Variants in PCDHA9 observed in about 807,000 individuals in gnomAD.
PCDHA9 encodes protocadherin alpha 9.
A neutral mutation model predicts 62.0 loss-of-function variants in PCDHA9; 62 were observed. The observed-to-expected ratio is 1.00, with a 90% confidence interval of 0.81 to 1.23. The LOEUF (loss-of-function observed/expected upper bound fraction) is 1.23, where lower values mean the gene tolerates loss of function less well. Ranked by LOEUF, PCDHA9 falls within the 50% of genes most tolerant of loss-of-function variation. PCDHA9 has a pLI of 0.00. For synonymous variants in PCDHA9, 557 were observed against 567.6 expected (o/e 0.98, Z 0.27); for missense variants, 1,205 against 1,249.8 (o/e 0.96, Z 0.54).
intron 1 of PCDHA9, among the ~76,000 whole-genome samples, chr5:140,917,329 G>GGC (rs1563018868): frequency 6.9e-6 from 1 of 143,930 alleles, no homozygotes; most frequent in Non-Finnish European, 1.5e-5. Context: ...TGTGGCGGGG[G>GGC]AGGGGGGGGA....
Position 140,882,813 on chromosome 5 carries a change from C to A in PCDHA9, c.2394+31924C>A, listed in dbSNP as rs782169035. 2 of 1,614,058 alleles carry A rather than the reference C, an allele frequency of 1.2e-6. No individual in the cohort carries two copies. The highest frequency in any genetic ancestry group is 3.3e-5 in the Admixed American group (2 of 60,002). On this transcript the variant is annotated intron_variant, in intron 1 of 3. Transcript: ENST00000532602. ...CCCAACGATTATTTCACTTTGGACG[C>A]ACAAAACAGTCTTGAGCAAATGTCT...
rs537367595 is a variant in PCDHA9, at chr5:140,855,783, A to G, written c.2394+4894A>G. The G allele has an allele frequency of 2.9e-4, 123 of 423,664 alleles. 6 individuals carry two copies. Among genetic ancestry groups the G allele is most frequent in the Non-Finnish European group, 4.5e-4 (106 of 237,548 alleles). 26.2% of individuals were successfully genotyped at this position (423,664 alleles called of 1,614,324 possible). On this transcript the variant is annotated intron_variant, in intron 1 of 3. Coordinates refer to ENST00000532602, the MANE Select transcript of PCDHA9 (RefSeq NM_031857.2). ...TCCATAGACATAAAAATACGTAAAA[A>G]AAGAATTAACATATGAATGAAAGAA...
chr5:140,976,546 A>G (rs2096722070), intron 1 of PCDHA9, among the ~76,000 whole-genome samples: 1 of 152,086 alleles, frequency 6.6e-6, no homozygotes, highest in Non-Finnish European at 1.5e-5. Context: ...GTAAGACCCT[A>G]TCTCATAAAT....
intron 1 of PCDHA9, among the ~76,000 whole-genome samples, chr5:140,945,375 C>T (rs1414758644): frequency 1.3e-4 from 20 of 152,006 alleles, no homozygotes; most frequent in African/African-American, 3.9e-4. Context: ...GTCCATATTA[C>T]CCAAAGCAAT....
chr5:140,915,328 A>G (rs1554196854), intron 1 of PCDHA9, among the ~76,000 whole-genome samples: 1 of 152,100 alleles, frequency 6.6e-6, no homozygotes. Context: ...CAGTGTTATA[A>G]TATTCTGTGT....
chr5:140,924,178 A>C (rs2081709408), intron 1 of PCDHA9, among the ~76,000 whole-genome samples: 3 of 152,260 alleles, frequency 2.0e-5, no homozygotes. Context: ...GCACTGAAGC[A>C]GAAAATTAGT....
rs536777034 is a variant in PCDHA9 at position 140,985,803 on chromosome 5, G to A, written c.2542+3240G>A. Among the ~76,000 whole-genome samples the A allele has an allele frequency of 1.3e-4, 18 of 139,858 alleles. No individual in the cohort carries two copies. In the East Asian group the frequency reaches 1.8e-3, roughly 14 times the overall value. The allele number at this position is 139,858 out of a possible 152,430, so 91.8% of individuals were successfully genotyped here. A position where few individuals can be genotyped will look rare whatever the true frequency, so the allele number is the denominator to read the frequency against. Reference sequence around the variant, plus strand: ...CGCCCAGGCTGGAGTGCAGTGGCACGATCTCAGCTCACAACAAGCTCTGCC... The same window carrying A: ...CGCCCAGGCTGGAGTGCAGTGGCACAATCTCAGCTCACAACAAGCTCTGCC... On this transcript the variant is annotated intron_variant, in intron 3 of 3. Transcript: ENST00000532602.
At chr5:140,882,887 G>A (rs781927732) in intron 1 of PCDHA9, 43 of 1,614,050 alleles carry the variant, frequency 2.7e-5, no homozygotes, top group Non-Finnish European at 3.6e-5. Context: ...GGAAATTCAG[G>A]AACATAGTTT....
chr5:140,909,771 C>T (rs907087409), intron 1 of PCDHA9, among the ~76,000 whole-genome samples: 49 of 152,200 alleles, frequency 3.2e-4, no homozygotes, highest in African/African-American at 1.1e-3. Flanking sequence ...TCCAGGGACC[C>T]ACTGGACCCA....
intron 1 of PCDHA9, among the ~76,000 whole-genome samples, chr5:140,925,482 A>G (rs1238702660): frequency 2.0e-5 from 3 of 152,088 alleles, no homozygotes; most frequent in Admixed American, 6.6e-5. Flanking sequence ...TTCTCATAGA[A>G]CTGATCACTG....
intron 1 of PCDHA9, among the ~76,000 whole-genome samples, chr5:140,905,599 G>A (rs782355615): frequency 2.0e-5 from 3 of 152,096 alleles, no homozygotes; most frequent in Non-Finnish European, 2.9e-5. Context: ...GCTGGGAATT[G>A]CATTGAATCT....
chr5:140,973,331 TGTAAAGTGACATAGTA>T (rs782725271), intron 1 of PCDHA9, among the ~76,000 whole-genome samples: 2 of 152,218 alleles, frequency 1.3e-5, no homozygotes, highest in Non-Finnish European at 2.9e-5. Context: ...TTACACTCGT[TGTAAAGTGACATAGTA>T]GTGAATTTAT....
intron 1 of PCDHA9, chr5:140,883,607 G>A (rs782736793): frequency 6.2e-7 from 1 of 1,613,968 alleles, no homozygotes; most frequent in Non-Finnish European, 8.5e-7. Context: ...GGGGGTGGCC[G>A]ACGTGAACGA....
At chr5:140,881,376 C>G in intron 1 of PCDHA9, 5 of 984,754 alleles carry the variant, frequency 5.1e-6, no homozygotes, top group Non-Finnish European at 6.0e-6. Context: ...GAATTGCAGC[C>G]GGCGGCGGTA....
At chr5:140,870,564 G>C (rs782511789) in intron 1 of PCDHA9, 83 of 1,613,882 alleles carry the variant, frequency 5.1e-5, no homozygotes, top group Admixed American at 3.3e-4. Context: ...AGGAGAACGC[G>C]CTGGTGTCCT....
At chr5:140,971,844 C>T (rs1209652703) in intron 1 of PCDHA9, among the ~76,000 whole-genome samples, 2 of 151,920 alleles carry the variant, frequency 1.3e-5, no homozygotes, top group African/African-American at 2.4e-5. Flanking sequence ...GCAAGTCATG[C>T]GTTAAATATT....
chr5:140,915,677 A>C (rs1352514451), intron 1 of PCDHA9, among the ~76,000 whole-genome samples: 4 of 150,138 alleles, frequency 2.7e-5, no homozygotes, highest in African/African-American at 9.8e-5. Flanking sequence ...GCCATCTTGA[A>C]CTAGGGGTAT....
At chr5:140,967,809 A>G in intron 1 of PCDHA9, 1 of 1,614,190 alleles carries the variant, frequency 6.2e-7, no homozygotes. Flanking sequence ...ATGGCAGGTC[A>G]CTGCAAGGTG....
rs2150465616 is a variant in PCDHA9, at chr5:140,850,062, T to C, written c.1567T>C (p.Leu523=). ...CGGCAAGGTGTACGCGCTGCAGCCG[T>C]TGGACCACGAGGAGCTGGAGCTGCT... ...ESGKVYALQP[L]DHEELELLQF... is the part of the protein sequence containing the mutation. Residue 523 remains leucine, a synonymous_variant, in exon 1 of 4, where the codon TTG becomes CTG. Transcript: ENST00000532602. 1.4e-4 allele frequency: 229 copies of C among 1,596,236 alleles called. 16 individuals are homozygous for C. The highest frequency in any genetic ancestry group is 1.1e-3 in the East Asian group (50 of 44,828).
Sources: allele counts gnomAD v4.1 joint callset (sites outside exome capture counted in the v4.1 genomes callset), GRCh38; gene constraint gnomAD v4.1.1; transcripts MANE v1.5; gene names NCBI Gene and HGNC (gene_info 2026-07-23, HGNC 2026-07-21).